TIAM1: variants seen among roughly 807,000 people sequenced by gnomAD.
TIAM1 encodes TIAM Rac1 associated GEF 1, also known as rho guanine nucleotide exchange factor TIAM1.
Under a neutral mutation model 163.5 loss-of-function variants are expected in TIAM1, and 65 were observed. The ratio of observed to expected loss-of-function variants is 0.40; its 90% CI spans 0.33 to 0.49. The LOEUF is 0.49. Ranked by LOEUF, TIAM1 falls within the 20% of genes least tolerant of loss-of-function variation. The pLI is 0.77. For synonymous variants in TIAM1, 833 were observed against 810.1 expected (o/e 1.03, Z -0.48); for missense variants, 1,789 against 2,044.7 (o/e 0.87, Z 2.41).
chr21:31,345,448 T>A (rs751086587), upstream of TIAM1, among the ~76,000 whole-genome samples: 2 of 149,972 alleles, frequency 1.3e-5, no homozygotes, highest in African/African-American at 4.9e-5. Context: ...TATATCCATA[T>A]ATATATTTTA....
chr21:31,523,374 C>T (rs2047671847), intron 1 of TIAM1, among the ~76,000 whole-genome samples: 1 of 152,192 alleles, frequency 6.6e-6, no homozygotes, highest in Admixed American at 6.6e-5. Context: ...CAGCAGAAAT[C>T]TTCTTCCCAA....
intron 2 of TIAM1, among the ~76,000 whole-genome samples, chr21:31,379,775 G>C (rs887805067): frequency 2.0e-5 from 3 of 152,118 alleles, no homozygotes; most frequent in African/African-American, 7.2e-5. Context: ...AGTCAAAAAA[G>C]ACTCCATACT....
chr21:31,519,805 ATACTG>A (rs1365090203), intron 1 of TIAM1, among the ~76,000 whole-genome samples: 1 of 152,188 alleles, frequency 6.6e-6, no homozygotes, highest in Non-Finnish European at 1.5e-5. Context: ...AAAAAGACAA[ATACTG>A]TTAAGATTCC....
At chr21:31,496,910 T>G (rs1054627516) in intron 1 of TIAM1, among the ~76,000 whole-genome samples, 3 of 152,158 alleles carry the variant, frequency 2.0e-5, no homozygotes, top group Non-Finnish European at 4.4e-5. Flanking sequence ...CCACCTCAGA[T>G]CATCAAGCAT....
At chr21:31,301,972 C>A (rs1040995129) in intron 2 of TIAM1, among the ~76,000 whole-genome samples, 2 of 149,810 alleles carry the variant, frequency 1.3e-5, no homozygotes, top group Non-Finnish European at 3.0e-5. Context: ...TATATGTGTG[C>A]GTATATATAT....
At chr21:31,257,277 C>T (rs1569116987) in intron 4 of TIAM1, among the ~76,000 whole-genome samples, 1 of 152,210 alleles carries the variant, frequency 6.6e-6, no homozygotes, top group East Asian at 1.9e-4. Flanking sequence ...CAACCCATTC[C>T]TTTTCTTCTA....
At chr21:31,228,671 G>GA (rs1182043921) in intron 6 of TIAM1, among the ~76,000 whole-genome samples, 1 of 152,186 alleles carries the variant, frequency 6.6e-6, no homozygotes, top group East Asian at 1.9e-4. Context: ...GTTGGGGAAG[G>GA]AATCAGATGC....
intron 1 of TIAM1, among the ~76,000 whole-genome samples, chr21:31,521,021 G>A (rs2047561884): frequency 6.6e-6 from 1 of 152,236 alleles, no homozygotes; most frequent in African/African-American, 2.4e-5. Flanking sequence ...CTGCCACAGA[G>A]CAGGTGCTTA....
Position 31,165,055 on chromosome 21 carries a change from A to C in TIAM1, c.2898T>G (p.Leu966=). 1 of 1,613,982 alleles carries C rather than the reference A, an allele frequency of 6.2e-7. No homozygotes were observed. Residue 966 remains leucine (L), a synonymous_variant, in exon 16 of 28, where the codon CTT becomes CTG. Coordinates refer to ENST00000541036, the MANE Select transcript of TIAM1 (RefSeq NM_001353694.2). ...AFLTSNPGHS[L]CSEQGSSAET... ...CAGCACTGCTGCCCTGCTCGCTGCA[A>C]AGGCTGTGCCCTGTCAGATGAAATC... is the stretch of plus-strand genomic sequence containing the variant.
intron 2 of TIAM1, among the ~76,000 whole-genome samples, chr21:31,313,529 A>G (rs1040209890): frequency 1.3e-5 from 2 of 152,186 alleles, no homozygotes; most frequent in East Asian, 1.9e-4. Context: ...GTCATTCATG[A>G]TATGTGGGGG....
At chr21:31,201,794 A>C (rs1034195478) in intron 12 of TIAM1, among the ~76,000 whole-genome samples, 2 of 152,230 alleles carry the variant, frequency 1.3e-5, no homozygotes, top group African/African-American at 4.8e-5. Context: ...CTAAGAACAG[A>C]GAGAGCACAG....
chr21:31,398,354 G>T (rs1259733229), intron 2 of TIAM1, among the ~76,000 whole-genome samples: 2 of 152,108 alleles, frequency 1.3e-5, no homozygotes, highest in Non-Finnish European at 2.9e-5. Context: ...GGGCCTGGGG[G>T]AGACCTGGTC....
intron 1 of TIAM1, among the ~76,000 whole-genome samples, chr21:31,542,381 C>G (rs2048348686): frequency 6.6e-6 from 1 of 151,186 alleles, no homozygotes; most frequent in South Asian, 2.1e-4. Context: ...GAGCCGAGAC[C>G]GCGCCACTGC....
intron 2 of TIAM1, among the ~76,000 whole-genome samples, chr21:31,285,519 T>G (rs1206665449): frequency 2.0e-5 from 3 of 152,238 alleles, no homozygotes; most frequent in Non-Finnish European, 2.9e-5. Context: ...CTGCTGCTGT[T>G]GCACTTGTGT....
At chr21:31,302,444 T>C (rs1426090792) in intron 2 of TIAM1, among the ~76,000 whole-genome samples, 1 of 152,210 alleles carries the variant, frequency 6.6e-6, no homozygotes, top group African/African-American at 2.4e-5. Context: ...AATGCTGTCT[T>C]TGACATACCG....
chr21:31,511,330 A>G (rs2047204006), intron 1 of TIAM1, among the ~76,000 whole-genome samples: 1 of 152,144 alleles, frequency 6.6e-6, no homozygotes, highest in Non-Finnish European at 1.5e-5. Flanking sequence ...CGTCAACACT[A>G]TTTCCTTCTA....
rs554896664 is a variant in TIAM1 at position 31,525,330 on chromosome 21, C to T, written c.-422+33597G>A. ...GTTGCAGTGAGCTGAGATTGCGCCA[C>T]GCACTCCAACCTGGGCGACAGAGCC... On this transcript the variant is annotated intron_variant, in intron 1 of 28. Coordinates refer to the TIAM1 transcript ENST00000286827. Among the ~76,000 whole-genome samples, 15 of 149,884 alleles carry T rather than the reference C, an allele frequency of 1.0e-4. No individual in the cohort carries two copies. In the East Asian group the frequency reaches 2.2e-3, roughly 22 times the overall value.
At chr21:31,501,156 T>C (rs1281164979) in intron 1 of TIAM1, among the ~76,000 whole-genome samples, 1 of 152,102 alleles carries the variant, frequency 6.6e-6, no homozygotes, top group Non-Finnish European at 1.5e-5. Flanking sequence ...CCCCAAGGGA[T>C]AAAGATACAG....
At chr21:31,345,435 A>G (rs2076129764), upstream of TIAM1, among the ~76,000 whole-genome samples, 1 of 150,488 alleles carries the variant, frequency 6.6e-6, no homozygotes, top group Admixed American at 6.7e-5. Context: ...ATATATATGT[A>G]TATATATCCA....
Sources: gnomAD v4.1 joint callset for allele counts (sites outside exome capture counted in the v4.1 genomes callset) on GRCh38, gnomAD v4.1.1 for gene constraint, MANE v1.5 for transcripts, NCBI Gene and HGNC (gene_info 2026-07-23, HGNC 2026-07-21) for gene names.